Variants in CD2AP observed in about 807,000 individuals in gnomAD.
CD2AP encodes CD2 associated protein, also known as CD2-associated protein.
A neutral mutation model predicts 85.1 loss-of-function variants in CD2AP; 46 were observed. The observed-to-expected ratio is 0.54, with a 90% CI of 0.43 to 0.69. The LOEUF is 0.69. CD2AP is among the 30% of genes least tolerant of loss of function. The probability of loss-of-function intolerance (pLI) is 0.00; values close to 1 mark genes in which losing one functional copy is unlikely to be tolerated. For synonymous variants in CD2AP, 255 were observed against 252.9 expected, an observed-to-expected ratio of 1.01 and a Z score of -0.08; for missense variants, 769 against 729.5, an observed-to-expected ratio of 1.05 and a Z score of -0.62.
At chr6:47,557,687 A>G (rs1367191508) in intron 5 of CD2AP, among the ~76,000 whole-genome samples, 1 of 151,922 alleles carries the variant, frequency 6.6e-6, no homozygotes, top group Non-Finnish European at 1.5e-5. Flanking sequence ...TGGTCTATAT[A>G]TCTTTTTTGG....
chr6:47,557,559 CCAA>C (rs772518474), intron 5 of CD2AP, among the ~76,000 whole-genome samples: 36 of 152,220 alleles, frequency 2.4e-4, no homozygotes, highest in Non-Finnish European at 4.3e-4. Context: ...GCCAGTTTTT[CCAA>C]CAACATTTAT....
intron 1 of CD2AP, among the ~76,000 whole-genome samples, chr6:47,485,675 G>C (rs2113960704): frequency 6.6e-6 from 1 of 152,230 alleles, no homozygotes; most frequent in African/African-American, 2.4e-5. Context: ...ACCACTCACT[G>C]ACTCACCCAG....
chr6:47,486,771 A>C (rs1182617071), intron 1 of CD2AP, among the ~76,000 whole-genome samples: 1 of 152,216 alleles, frequency 6.6e-6, no homozygotes, highest in African/African-American at 2.4e-5. Context: ...GACTTTAAAA[A>C]TGTCATTCCT....
At chr6:47,566,323 T>TATATATACACACACAC in intron 5 of CD2AP, among the ~76,000 whole-genome samples, 7 of 108,438 alleles carry the variant, frequency 6.5e-5, no homozygotes, top group African/African-American at 1.5e-4. Flanking sequence ...TATATATATA[T>TATATATACACACACAC]ACACATACAC....
chr6:47,610,971 A>ACATATATATATATATATATATAT (rs1769418392), intron 16 of CD2AP, among the ~76,000 whole-genome samples: 1 of 112,908 alleles, frequency 8.9e-6, no homozygotes, highest in African/African-American at 3.6e-5. Context: ...ATATATATGT[A>ACATATATATATATATATATATAT]TTTTTTTTTT....
chr6:47,542,045 G>T (rs1767227994), intron 3 of CD2AP, among the ~76,000 whole-genome samples: 1 of 152,076 alleles, frequency 6.6e-6, no homozygotes, highest in Non-Finnish European at 1.5e-5. Flanking sequence ...CCACCTTCTT[G>T]TATCTTACTC....
chr6:47,558,992 C>T (rs1326097274), intron 5 of CD2AP, among the ~76,000 whole-genome samples: 5 of 152,098 alleles, frequency 3.3e-5, no homozygotes, highest in Non-Finnish European at 5.9e-5. Context: ...ATTACTGCCT[C>T]AATTTCAAAA....
chr6:47,551,140 AC>A (rs1386864606), intron 4 of CD2AP, among the ~76,000 whole-genome samples: 2 of 152,094 alleles, frequency 1.3e-5, no homozygotes, highest in Admixed American at 6.6e-5. Context: ...TAAAGAACTT[AC>A]TTATGTAACC....
intron 17 of CD2AP, among the ~76,000 whole-genome samples, chr6:47,617,577 C>T (rs1769625317): frequency 6.6e-6 from 1 of 152,200 alleles, no homozygotes; most frequent in African/African-American, 2.4e-5. Flanking sequence ...GTCATATAGA[C>T]ATGGTACCTT....
intron 3 of CD2AP, among the ~76,000 whole-genome samples, chr6:47,541,504 G>GA (rs1247699371): frequency 2.6e-5 from 4 of 152,090 alleles, no homozygotes; most frequent in Non-Finnish European, 5.9e-5. Flanking sequence ...TTAGGAAGGG[G>GA]AAAAAACCTT....
At chr6:47,523,642 G>A (rs1766650845) in intron 2 of CD2AP, among the ~76,000 whole-genome samples, 1 of 152,094 alleles carries the variant, frequency 6.6e-6, no homozygotes, top group African/African-American at 2.4e-5. Context: ...TCTGTGACTT[G>A]AGTTATTTTA....
chr6:47,529,380 T>C (rs1474865532), intron 2 of CD2AP, among the ~76,000 whole-genome samples: 1 of 152,080 alleles, frequency 6.6e-6, no homozygotes, highest in African/African-American at 2.4e-5. Context: ...TCCAGTTTCC[T>C]CCCACATCCC....
At chr6:47,488,882 C>A (rs1561999906) in intron 1 of CD2AP, among the ~76,000 whole-genome samples, 1 of 151,830 alleles carries the variant, frequency 6.6e-6, no homozygotes, top group African/African-American at 2.4e-5. Context: ...CTGAGTGAGT[C>A]TTTCTTAAAA....
At chr6:47,585,365 G>C (rs958044768) in intron 11 of CD2AP, among the ~76,000 whole-genome samples, 4 of 151,864 alleles carry the variant, frequency 2.6e-5, no homozygotes, top group African/African-American at 9.7e-5. Flanking sequence ...TCCTGCCCAT[G>C]GTGGAATGAC....
chr6:47,494,656 C>G (rs1765813243), intron 1 of CD2AP, among the ~76,000 whole-genome samples: 1 of 152,178 alleles, frequency 6.6e-6, no homozygotes, highest in Non-Finnish European at 1.5e-5. Flanking sequence ...CTGTGAGAAT[C>G]TGGCAGTACC....
chr6:47,602,667 G>C (rs549253156), intron 13 of CD2AP, among the ~76,000 whole-genome samples: 7 of 151,482 alleles, frequency 4.6e-5, no homozygotes, highest in Admixed American at 4.6e-4. Flanking sequence ...AGGAGTTAGA[G>C]ACTAGCCTGG....
At chr6:47,486,883 T>G (rs1161794670) in intron 1 of CD2AP, among the ~76,000 whole-genome samples, 1 of 152,200 alleles carries the variant, frequency 6.6e-6, no homozygotes, top group African/African-American at 2.4e-5. Context: ...GACTACATAG[T>G]CTTGGTTAGA....
intron 4 of CD2AP, among the ~76,000 whole-genome samples, chr6:47,551,240 T>G (rs1442814084): frequency 3.3e-5 from 5 of 152,150 alleles, no homozygotes; most frequent in Admixed American, 6.6e-5. Context: ...TTTTATCATT[T>G]GAAGGAGTAT....
intron 8 of CD2AP, 35 bp from the exon 9 acceptor site, chr6:47,579,348 AGG>A: frequency 8.6e-7 from 1 of 1,167,086 alleles, no homozygotes; most frequent in South Asian, 1.3e-5. Context: ...AAAAAAAAAA[AGG>A]TCTATTGTCT....
Sources: gnomAD v4.1 joint callset for allele counts (sites outside exome capture counted in the v4.1 genomes callset) on GRCh38, gnomAD v4.1.1 for gene constraint, MANE v1.5 for transcripts, NCBI Gene and HGNC (gene_info 2026-07-23, HGNC 2026-07-21) for gene names.